ZNF385D: variants seen among roughly 807,000 people sequenced by gnomAD.
ZNF385D encodes the protein zinc finger protein 385D.
ZNF385D carries 15 observed loss-of-function variants against 35.8 expected under a neutral mutation model. The ratio of observed to expected loss-of-function variants is 0.42; its 90% CI spans 0.28 to 0.64. The LOEUF (loss-of-function observed/expected upper bound fraction) is 0.64, where lower values mean the gene tolerates loss of function less well. Among genes scored for constraint, ZNF385D ranks in the 30% least tolerant of loss-of-function variants. ZNF385D has a pLI of 0.23. For missense variants in ZNF385D, 474 were observed against 494.6 expected, an observed-to-expected ratio of 0.96 and a Z score of 0.39; for synonymous variants, 212 against 186.8, an observed-to-expected ratio of 1.13 and a Z score of -1.10.
intron 3 of ZNF385D, among the ~76,000 whole-genome samples, chr3:22,006,180 G>C (rs73137118): frequency 0.036 from 5,496 of 152,158 alleles, 327 homozygotes; most frequent in African/African-American, 0.12. Context: ...ACACATTTTA[G>C]ATAAACCTAT....
rs972671313 is a variant in ZNF385D at position 21,977,159 on chromosome 3, T to C, written c.325+191658A>G. Among the ~76,000 whole-genome samples the C allele has an allele frequency of 1.2e-4, 18 of 152,310 alleles. No individual in the cohort carries two copies. The East Asian group carries it at 2.3e-3, about 20-fold the overall frequency. ...ATCTATGACTCTAATTAGAGGAAGA[T>C]TGATTTCCAAGGGACAGCACTGTGG... On this transcript the variant is annotated intron_variant, in intron 3 of 5. Transcript: ENST00000494108.
At chr3:21,772,925 G>C (rs2071135739) in intron 3 of ZNF385D, among the ~76,000 whole-genome samples, 1 of 151,846 alleles carries the variant, frequency 6.6e-6, no homozygotes, top group African/African-American at 2.4e-5. Context: ...AGAATCTTGA[G>C]AACATGCTAA....
intron 3 of ZNF385D, among the ~76,000 whole-genome samples, chr3:21,901,418 C>G (rs1478362192): frequency 1.3e-5 from 2 of 152,116 alleles, no homozygotes; most frequent in Non-Finnish European, 2.9e-5. Flanking sequence ...CTTCCTGTCT[C>G]TCAAAAAGTA....
chr3:21,760,521 C>T (rs1247482527), intron 3 of ZNF385D, among the ~76,000 whole-genome samples: 3 of 152,192 alleles, frequency 2.0e-5, no homozygotes, highest in African/African-American at 7.2e-5. Context: ...AGGTAACCCT[C>T]ACATTTCATA....
At chr3:21,977,536 G>C (rs1703709063) in intron 3 of ZNF385D, among the ~76,000 whole-genome samples, 1 of 152,068 alleles carries the variant, frequency 6.6e-6, no homozygotes, top group African/African-American at 2.4e-5. Flanking sequence ...AGACTACTCA[G>C]GGCCTGGTGT....
intron 2 of ZNF385D, among the ~76,000 whole-genome samples, chr3:21,565,089 C>T (rs2063096800): frequency 6.6e-6 from 1 of 152,102 alleles, no homozygotes; most frequent in African/African-American, 2.4e-5. Flanking sequence ...AGCTGGGAAG[C>T]CATGAAAATA....
chr3:21,746,492 C>T (rs2069776498), intron 1 of ZNF385D, among the ~76,000 whole-genome samples: 3 of 152,178 alleles, frequency 2.0e-5, no homozygotes, highest in Admixed American at 2.0e-4. Flanking sequence ...TTATTCATGA[C>T]CCTTTCTGAT....
intron 1 of ZNF385D, among the ~76,000 whole-genome samples, chr3:21,711,224 G>A (rs958759236): frequency 6.6e-6 from 1 of 151,504 alleles, no homozygotes; most frequent in African/African-American, 2.4e-5. Context: ...GGTATTTTTA[G>A]TAGAGTCAGG....
At chr3:21,908,794 A>C (rs1454295977) in intron 3 of ZNF385D, among the ~76,000 whole-genome samples, 2 of 152,126 alleles carry the variant, frequency 1.3e-5, no homozygotes, top group Non-Finnish European at 2.9e-5. Context: ...TCTTTAAAAA[A>C]AACAACAACC....
At chr3:22,083,548 A>G (rs1700872515) in intron 3 of ZNF385D, among the ~76,000 whole-genome samples, 2 of 152,194 alleles carry the variant, frequency 1.3e-5, no homozygotes, top group South Asian at 4.1e-4. Context: ...AGTAAAAATA[A>G]ATGAACAAAG....
intron 3 of ZNF385D, among the ~76,000 whole-genome samples, chr3:21,819,516 C>A (rs9851241): frequency 0.31 from 45,727 of 149,496 alleles, 7,931 homozygotes; most frequent in Non-Finnish European, 0.4. Flanking sequence ...TTTAGTATGG[C>A]TAAAAATGTT....
intron 3 of ZNF385D, among the ~76,000 whole-genome samples, chr3:21,865,277 A>T (rs1326831449): frequency 6.6e-6 from 1 of 151,832 alleles, no homozygotes; most frequent in African/African-American, 2.4e-5. Flanking sequence ...GAATCAATAC[A>T]CAGTGGAATC....
At chr3:22,217,784 C>T (rs940386673) in intron 2 of ZNF385D, among the ~76,000 whole-genome samples, 2 of 152,032 alleles carry the variant, frequency 1.3e-5, no homozygotes, top group Admixed American at 6.6e-5. Context: ...TGATTTCAAG[C>T]TAACTTATGT....
At chr3:22,299,107 C>A (rs115634197) in intron 2 of ZNF385D, among the ~76,000 whole-genome samples, 1 of 151,876 alleles carries the variant, frequency 6.6e-6, no homozygotes, top group East Asian at 1.9e-4. Context: ...TCCCAAGTTG[C>A]TTTCAGGTTT....
At chr3:21,651,703 A>G (rs2065919601) in intron 2 of ZNF385D, among the ~76,000 whole-genome samples, 1 of 152,132 alleles carries the variant, frequency 6.6e-6, no homozygotes, top group Admixed American at 6.5e-5. Context: ...TCTGTGACAC[A>G]TATAGTGGGA....
chr3:22,203,495 TG>T (rs1397038393), intron 2 of ZNF385D, among the ~76,000 whole-genome samples: 3 of 152,154 alleles, frequency 2.0e-5, no homozygotes, highest in Non-Finnish European at 1.5e-5. Context: ...AAAGGAACTT[TG>T]TCTTATAGCT....
chr3:22,295,163 C>A (rs1456823480), intron 2 of ZNF385D, among the ~76,000 whole-genome samples: 1 of 152,084 alleles, frequency 6.6e-6, no homozygotes, highest in South Asian at 2.1e-4. Context: ...ACAATAAATT[C>A]TTTCTCTACA....
Position 21,844,266 on chromosome 3 carries a change from T to G in ZNF385D, c.326-179238A>C, listed in dbSNP as rs376229300. On this transcript the variant is annotated intron_variant, in intron 3 of 5. Coordinates refer to the ZNF385D transcript ENST00000494108. ...TTATTATTTTTTATTGTGGTTTTGT[T>G]TCATTCTTCAAAATACAATATCATA... Among the ~76,000 whole-genome samples the G allele has an allele frequency of 2.6e-5, 4 of 152,002 alleles. No individual in the cohort carries two copies. In the East Asian group the frequency reaches 7.7e-4, roughly 29 times the overall value.
intron 3 of ZNF385D, among the ~76,000 whole-genome samples, chr3:22,153,401 A>AATGT (rs1705383334): frequency 6.6e-6 from 1 of 151,880 alleles, no homozygotes; most frequent in African/African-American, 2.4e-5. Context: ...TCATGGGCAC[A>AATGT]AGTTCCTGCA....
Sources: allele counts gnomAD v4.1 joint callset (sites outside exome capture counted in the v4.1 genomes callset), GRCh38; gene constraint gnomAD v4.1.1; transcripts MANE v1.5; gene names NCBI Gene and HGNC (gene_info 2026-07-23, HGNC 2026-07-21).